STRBP: variants seen among roughly 807,000 people sequenced by gnomAD.
STRBP encodes the protein spermatid perinuclear RNA binding protein.
A neutral mutation model predicts 80.1 loss-of-function variants in STRBP; 13 were observed. That is an observed-to-expected ratio of 0.16 (90% CI 0.11 to 0.26). The LOEUF (loss-of-function observed/expected upper bound fraction) is 0.26. Ranked by LOEUF, STRBP falls within the 10% of genes least tolerant of loss-of-function variation. STRBP has a pLI of 1.00. For missense variants in STRBP, 485 were observed against 815.2 expected (o/e 0.59, Z 4.93); for synonymous variants, 284 against 291.2 (o/e 0.98, Z 0.25).
intron 6 of STRBP, among the ~76,000 whole-genome samples, 186 bp downstream of exon 6, chr9:123,169,716 T>A (rs930322349): frequency 2.0e-4 from 31 of 152,218 alleles, no homozygotes; most frequent in African/African-American, 7.0e-4. Flanking sequence ...ATTCATACAT[T>A]TTTGCAAAAT....
At chr9:123,191,419 G>A (rs898963987) in intron 2 of STRBP, among the ~76,000 whole-genome samples, 4 of 152,022 alleles carry the variant, frequency 2.6e-5, no homozygotes, top group Non-Finnish European at 4.4e-5. Context: ...GAGGAGGGCC[G>A]AGAGGACAGA....
intron 2 of STRBP, among the ~76,000 whole-genome samples, chr9:123,186,885 A>T (rs1347956908): frequency 6.6e-6 from 1 of 151,310 alleles, no homozygotes; most frequent in African/African-American, 2.4e-5. Flanking sequence ...AAATTTTTTT[A>T]AAAACTAACT....
chr9:123,233,972 G>A (rs745671022), intron 2 of STRBP, among the ~76,000 whole-genome samples: 3 of 151,960 alleles, frequency 2.0e-5, no homozygotes, highest in Non-Finnish European at 2.9e-5. Context: ...AGGCCAAGGC[G>A]GGCAGATCAC....
At chr9:123,112,912 GC>G (rs1211720008) in intron 3 of STRBP, 2 of 167,092 alleles carry the variant, frequency 1.2e-5, no homozygotes, top group African/African-American at 4.8e-5. Flanking sequence ...GAGGCCCCAA[GC>G]CGAACTTAGA....
chr9:123,154,000 T>C (rs1209742118), intron 11 of STRBP, among the ~76,000 whole-genome samples: 1 of 152,126 alleles, frequency 6.6e-6, no homozygotes, highest in Non-Finnish European at 1.5e-5. Context: ...AAATGAAAAG[T>C]GGTATTTCAT....
At chr9:123,259,524 T>C (rs974083696) in intron 1 of STRBP, among the ~76,000 whole-genome samples, 3 of 152,044 alleles carry the variant, frequency 2.0e-5, no homozygotes, top group South Asian at 2.1e-4. Context: ...CTGACCAACA[T>C]GGAGAAACCC....
intron 13 of STRBP, among the ~76,000 whole-genome samples, chr9:123,143,465 C>T (rs763360432): frequency 2.0e-5 from 3 of 152,220 alleles, no homozygotes; most frequent in Non-Finnish European, 4.4e-5. Flanking sequence ...ACAAAACCCT[C>T]ACCAAGCGAT....
intron 1 of STRBP, among the ~76,000 whole-genome samples, chr9:123,254,655 C>T (rs2040989627): frequency 6.6e-6 from 1 of 151,852 alleles, no homozygotes; most frequent in Non-Finnish European, 1.5e-5. Context: ...AATAAAATTG[C>T]CAAGATTTAA....
At chr9:123,225,486 T>G (rs1588128487) in intron 2 of STRBP, among the ~76,000 whole-genome samples, 2 of 152,300 alleles carry the variant, frequency 1.3e-5, no homozygotes, top group African/African-American at 4.8e-5. Flanking sequence ...TGAATCCTCT[T>G]TCCTATGTTT....
At chr9:123,180,247 C>A (rs1017040908) in intron 3 of STRBP, among the ~76,000 whole-genome samples, 16 of 152,076 alleles carry the variant, frequency 1.1e-4, no homozygotes, top group Admixed American at 7.9e-4. Flanking sequence ...AGAGTAAGAC[C>A]CAGGTCTCTA....
At chr9:123,223,343 A>T (rs995410188) in intron 2 of STRBP, among the ~76,000 whole-genome samples, 2 of 152,206 alleles carry the variant, frequency 1.3e-5, no homozygotes, top group Admixed American at 6.5e-5. Context: ...AATGAACATT[A>T]TGCAAATTAT....
At chr9:123,167,409 A>G (rs1302795070) in intron 6 of STRBP, among the ~76,000 whole-genome samples, 1 of 152,196 alleles carries the variant, frequency 6.6e-6, no homozygotes, top group Non-Finnish European at 1.5e-5. Flanking sequence ...AAAGAACTGC[A>G]TCAAGGGGAT....
intron 13 of STRBP, among the ~76,000 whole-genome samples, chr9:123,143,473 G>A (rs1381563879): frequency 2.0e-5 from 3 of 152,218 alleles, no homozygotes; most frequent in African/African-American, 7.2e-5. Flanking sequence ...CTCACCAAGC[G>A]ATTGAGTAAG....
intron 1 of STRBP, among the ~76,000 whole-genome samples, chr9:123,250,637 T>C (rs539858416): frequency 2.0e-5 from 3 of 152,332 alleles, no homozygotes; most frequent in East Asian, 3.9e-4. Context: ...GAATGAACCA[T>C]GTCAACACTG....
intron 11 of STRBP, 45 bp downstream of exon 11, chr9:123,157,967 T>C: frequency 7.5e-7 from 1 of 1,340,340 alleles, no homozygotes; most frequent in Non-Finnish European, 1.1e-6. Context: ...TGATTATCTC[T>C]ACCAGTGCCA....
rs1176343559 is a variant in STRBP at position 123,115,397 on chromosome 9, C to T, written c.*84+532G>A. The stretch of plus-strand genomic sequence containing the variant: ...CAGCCCAGGGCTGGCAAGGAGGATC[C>T]CTAGCAGGGAGGGGGAGACCCACTG... On this transcript the variant is annotated intron_variant and NMD_transcript_variant, in intron 3 of 3. Transcript: ENST00000471564. The surrounding 1 kb of genome is among the most constrained non-coding windows in gnomAD (Gnocchi z 5.0). 7 of 470,898 alleles carry T rather than the reference C, an allele frequency of 1.5e-5. No individual in the cohort carries two copies. The Admixed American group carries it at 1.6e-4, about 11-fold the overall frequency. The allele number at this position is 470,898 out of a possible 1,614,324, so 29.2% of individuals were successfully genotyped here.
At chr9:123,111,505 G>A (rs761407804) in intron 3 of STRBP, 39 of 377,270 alleles carry the variant, frequency 1.0e-4, no homozygotes, top group Non-Finnish European at 2.0e-4. Context: ...CCCTAAGCAG[G>A]AAAACGGGAC....
intron 2 of STRBP, among the ~76,000 whole-genome samples, chr9:123,226,340 A>C (rs1414316595): frequency 2.0e-5 from 3 of 152,240 alleles, no homozygotes; most frequent in Admixed American, 2.0e-4. Flanking sequence ...ATATTCAAAA[A>C]AAATGTATTT....
At chr9:123,111,891 G>A (rs902971053) in intron 3 of STRBP, 8 of 215,896 alleles carry the variant, frequency 3.7e-5, no homozygotes, top group Non-Finnish European at 7.2e-5. Context: ...GAGGGAGCCC[G>A]ACAAGTCTAA....
Sources: allele counts gnomAD v4.1 joint callset (sites outside exome capture counted in the v4.1 genomes callset), GRCh38; gene constraint gnomAD v4.1.1; non-coding constraint Gnocchi (gnomAD v3.1); transcripts MANE v1.5; gene names NCBI Gene and HGNC (gene_info 2026-07-23, HGNC 2026-07-21).